IL23R: variants seen among roughly 807,000 people sequenced by gnomAD.
The protein encoded by IL23R is interleukin-23 receptor.
A neutral mutation model predicts 56.9 loss-of-function variants in IL23R; 34 were observed. The observed-to-expected ratio is 0.60, with a 90% CI of 0.45 to 0.80. IL23R has a LOEUF of 0.80. IL23R is among the 30% of genes least tolerant of loss of function. The pLI, the probability that IL23R is intolerant of heterozygous loss-of-function variation, is 0.00. For missense variants in IL23R, 635 were observed against 730.0 expected (o/e 0.87, Z 1.50); for synonymous variants, 230 against 249.2 (o/e 0.92, Z 0.73).
chr1:67,251,139 A>C (rs927456272), intron 9 of IL23R, among the ~76,000 whole-genome samples: 4 of 152,148 alleles, frequency 2.6e-5, no homozygotes, highest in Non-Finnish European at 4.4e-5. Flanking sequence ...TTTCAGCAAA[A>C]CAAGATCCAC....
intron 4 of IL23R, among the ~76,000 whole-genome samples, chr1:67,190,997 G>T (rs1280945683): frequency 2.0e-5 from 3 of 152,170 alleles, no homozygotes; most frequent in African/African-American, 4.8e-5. Context: ...GACTCAAAAT[G>T]TAGTTTATAT....
chr1:67,260,438 C>T (rs372277063), downstream of IL23R, among the ~76,000 whole-genome samples: 1 of 152,060 alleles, frequency 6.6e-6, no homozygotes, highest in Non-Finnish European at 1.5e-5. Flanking sequence ...CAAATACTTG[C>T]TGAACCTACC....
chr1:67,225,185 G>C (rs1049449527), intron 7 of IL23R, among the ~76,000 whole-genome samples: 8 of 152,182 alleles, frequency 5.3e-5, no homozygotes, highest in African/African-American at 1.7e-4. Context: ...CATTTCTAAT[G>C]CAGTGTTTGT....
the IL23R span, among the ~76,000 whole-genome samples, chr1:67,265,775 G>A: frequency 5.9e-5 from 9 of 152,190 alleles, no homozygotes; most frequent in African/African-American, 2.2e-4. Flanking sequence ...GTGTGGTGGT[G>A]TGCTCCTGTG....
Position 67,258,861 on chromosome 1 carries a change from C to T in IL23R, c.1623C>T (p.Ser541=), listed in dbSNP as rs1328645985. The T allele has an allele frequency of 6.2e-7, 1 of 1,613,878 alleles. No individual in the cohort carries two copies. Among genetic ancestry groups the T allele is most frequent in the Non-Finnish European group, 8.5e-7 (1 of 1,179,972 alleles). The change falls in exon 11 of 11, where the codon AGC becomes AGT. Residue 541 remains serine (S), a synonymous_variant. Transcript: ENST00000347310. ...CTGTTTCAAGTGTGAATTCACTAAG[C>T]AACACAATATTTCTTGGAGAATTAA... ...AFSVSSVNSL[S]NTIFLGELSL...
At chr1:67,216,316 AT>A (rs1192353755) in intron 6 of IL23R, among the ~76,000 whole-genome samples, 10 of 152,218 alleles carry the variant, frequency 6.6e-5, no homozygotes, top group Admixed American at 5.9e-4. Context: ...TGTGGATAAT[AT>A]TTTGAAACAT....
chr1:67,179,046 G>A (rs984698842), intron 3 of IL23R, among the ~76,000 whole-genome samples: 1 of 152,110 alleles, frequency 6.6e-6, no homozygotes, highest in Non-Finnish European at 1.5e-5. Flanking sequence ...TTTTTGCATC[G>A]ATGTTCATCA....
chr1:67,143,682 C>T lies in IL23R; in HGVS notation c.-634+4521C>T, dbSNP rs546516043. ...CTTCCCTACAAGTAGACTGAGCACA[C>T]TCCTGAGACCAGAAACCATTCTTAG... is the stretch of plus-strand genomic sequence containing the variant. On this transcript the variant is annotated intron_variant, in intron 1 of 10. Coordinates refer to the IL23R transcript ENST00000637002. 5.3e-5 allele frequency among the ~76,000 whole-genome samples: 8 copies of T among 152,320 alleles called. No individual in the cohort carries two copies. The South Asian group carries it at 1.2e-3, about 24-fold the overall frequency.
chr1:67,227,552 C>T (rs56299031), intron 7 of IL23R, among the ~76,000 whole-genome samples: 31,942 of 151,912 alleles, frequency 0.21, 3,741 homozygotes, highest in Non-Finnish European at 0.27. Context: ...CTTGAAGATG[C>T]TCATTAATTT....
At chr1:67,225,956 T>C (rs1350082602) in intron 7 of IL23R, among the ~76,000 whole-genome samples, 2 of 152,234 alleles carry the variant, frequency 1.3e-5, no homozygotes, top group Non-Finnish European at 2.9e-5. Context: ...ACATAGGGAA[T>C]GGACAGAAAA....
chr1:67,158,647 T>C (rs915885397), intron 1 of IL23R, among the ~76,000 whole-genome samples: 2 of 152,152 alleles, frequency 1.3e-5, no homozygotes, highest in Non-Finnish European at 2.9e-5. Context: ...CTACTTTGCT[T>C]TGGACCTGTT....
chr1:67,182,602 G>A (rs1031802566), intron 3 of IL23R, among the ~76,000 whole-genome samples: 2 of 152,090 alleles, frequency 1.3e-5, no homozygotes, highest in Non-Finnish European at 2.9e-5. Context: ...GCAATGCCTC[G>A]CCCTGCTTCG....
chr1:67,179,196 C>T (rs537636409), intron 3 of IL23R, among the ~76,000 whole-genome samples: 1 of 152,216 alleles, frequency 6.6e-6, no homozygotes, highest in East Asian at 1.9e-4. Context: ...GGAATGGTAC[C>T]AGCTTCTTCT....
In IL23R at chr1:67,191,275, T is replaced by C. The variant is rs185910555; in HGVS notation, c.491+8316T>C. On this transcript the variant is annotated intron_variant, in intron 4 of 10. Transcript: ENST00000347310. ...ATTGAAGACCTGCTTCCTACTTTCC[T>C]GAGAAAACAGAAGCAATGAGAAATA... Among the ~76,000 whole-genome samples, 477 of 152,352 alleles carry C rather than the reference T, an allele frequency of 3.1e-3. 5 individuals are homozygous for C. Among genetic ancestry groups the C allele is most frequent in the African/African-American group, 0.011 (460 of 41,576 alleles).
intron 7 of IL23R, among the ~76,000 whole-genome samples, chr1:67,220,940 T>C (rs1650199563): frequency 6.6e-6 from 1 of 152,212 alleles, no homozygotes; most frequent in Non-Finnish European, 1.5e-5. Context: ...AGGTCGAGAA[T>C]GCAGTGAGCC....
At chr1:67,165,380 C>T (rs537955606), upstream of IL23R, among the ~76,000 whole-genome samples, 1 of 152,248 alleles carries the variant, frequency 6.6e-6, no homozygotes, top group East Asian at 1.9e-4. Context: ...GTACAGTTAT[C>T]ATGGAAAACA....
chr1:67,190,289 A>G (rs905790781), intron 4 of IL23R, among the ~76,000 whole-genome samples: 1 of 152,194 alleles, frequency 6.6e-6, no homozygotes, highest in Non-Finnish European at 1.5e-5. Context: ...GTGAAGTTGT[A>G]AAGTAGAATT....
upstream of IL23R, among the ~76,000 whole-genome samples, chr1:67,162,138 A>G (rs1418497133): frequency 6.6e-6 from 1 of 151,918 alleles, no homozygotes; most frequent in Non-Finnish European, 1.5e-5. Flanking sequence ...ATTTTATCCA[A>G]TGTTTAAAAA....
chr1:67,143,035 T>C (rs1339116754), intron 1 of IL23R, among the ~76,000 whole-genome samples: 2 of 144,030 alleles, frequency 1.4e-5, no homozygotes, highest in Non-Finnish European at 3.1e-5. Context: ...ACAACTTTCT[T>C]AGATAGTGAG....
Sources: allele counts gnomAD v4.1 joint callset (sites outside exome capture counted in the v4.1 genomes callset), GRCh38; gene constraint gnomAD v4.1.1; transcripts MANE v1.5; gene names NCBI Gene and HGNC (gene_info 2026-07-23, HGNC 2026-07-21).